Variants in PKP4 observed in about 807,000 individuals in gnomAD.
PKP4 encodes the protein plakophilin-4.
In PKP4, 90 loss-of-function variants were observed where a neutral mutation model predicts 145.1. The observed-to-expected ratio is 0.62, with a 90% CI of 0.52 to 0.74. The LOEUF is 0.74. Ranked by LOEUF, PKP4 falls within the 30% of genes least tolerant of loss-of-function variation. The probability of loss-of-function intolerance (pLI) is 0.00; values close to 1 mark genes in which losing one functional copy is unlikely to be tolerated. For synonymous variants in PKP4, 563 were observed against 577.2 expected (o/e 0.98, Z 0.35); for missense variants, 1,340 against 1,482.7 (o/e 0.90, Z 1.58).
intron 1 of PKP4, among the ~76,000 whole-genome samples, chr2:158,524,319 G>A (rs1342853184): frequency 1.9e-5 from 1 of 53,534 alleles, no homozygotes; most frequent in African/African-American, 7.6e-5. Context: ...GAGAGTGGGG[G>A]CCAATATTCA....
At chr2:158,580,725 A>G (rs905470383) in intron 3 of PKP4, among the ~76,000 whole-genome samples, 3 of 152,126 alleles carry the variant, frequency 2.0e-5, no homozygotes, top group African/African-American at 7.2e-5. Flanking sequence ...TCATTCAGTG[A>G]TCTCTGAGCT....
At chr2:158,548,430 A>G (rs925061747) in intron 2 of PKP4, 3 of 141,714 alleles carry the variant, frequency 2.1e-5, no homozygotes, top group Non-Finnish European at 4.7e-5. Flanking sequence ...CCAAGATGCC[A>G]AAAGGAAAGA....
At chr2:158,574,563 G>T (rs1227058620) in intron 2 of PKP4, among the ~76,000 whole-genome samples, 1 of 152,142 alleles carries the variant, frequency 6.6e-6, no homozygotes, top group African/African-American at 2.4e-5. Context: ...ATACATCTTG[G>T]TGCCATTCAC....
intron 3 of PKP4, among the ~76,000 whole-genome samples, chr2:158,582,283 C>A (rs2048397416): frequency 6.6e-6 from 1 of 152,064 alleles, no homozygotes; most frequent in Admixed American, 6.6e-5. Context: ...TTGAAAGGAA[C>A]CAGTTAATTA....
intron 2 of PKP4, among the ~76,000 whole-genome samples, chr2:158,571,329 A>G (rs1322799118): frequency 6.6e-6 from 1 of 152,232 alleles, no homozygotes; most frequent in African/African-American, 2.4e-5. Context: ...ATGATTTACT[A>G]ATATCAAGAA....
chr2:158,624,776 T>C, intron 6 of PKP4, 102 bp from the exon 7 acceptor site: 2 of 822,360 alleles, frequency 2.4e-6, no homozygotes, highest in Non-Finnish European at 1.8e-6. Flanking sequence ...CCTAAAATAG[T>C]GGATTCACAT....
intron 3 of PKP4, among the ~76,000 whole-genome samples, chr2:158,584,000 A>G (rs1336782908): frequency 6.6e-6 from 1 of 152,180 alleles, no homozygotes; most frequent in Non-Finnish European, 1.5e-5. Context: ...GGTTCCCAAC[A>G]AGCGTTACAT....
intron 2 of PKP4, among the ~76,000 whole-genome samples, chr2:158,555,542 G>T (rs1283277089): frequency 5.3e-5 from 8 of 152,160 alleles, no homozygotes; most frequent in Non-Finnish European, 5.9e-5. Context: ...TCTGTTCTTT[G>T]ATTTAAATAT....
chr2:158,463,031 T>C (rs1017273887), intron 1 of PKP4, among the ~76,000 whole-genome samples: 20 of 152,216 alleles, frequency 1.3e-4, no homozygotes, highest in Non-Finnish European at 2.1e-4. Context: ...TTTGTCAAAA[T>C]GATTATGGAT....
intron 2 of PKP4, among the ~76,000 whole-genome samples, chr2:158,568,859 A>G (rs1056222123): frequency 6.6e-6 from 1 of 151,902 alleles, no homozygotes; most frequent in Non-Finnish European, 1.5e-5. Context: ...TGTAATCCCA[A>G]CTACTCAGGA....
At chr2:158,538,664 C>T (rs748000085) in intron 2 of PKP4, among the ~76,000 whole-genome samples, 17 of 151,788 alleles carry the variant, frequency 1.1e-4, no homozygotes, top group Non-Finnish European at 2.1e-4. Context: ...CTCAGCCTCC[C>T]AAGAGTAGCT....
At chr2:158,500,816 G>A (rs1425426566) in intron 1 of PKP4, among the ~76,000 whole-genome samples, 2 of 152,212 alleles carry the variant, frequency 1.3e-5, no homozygotes, top group Non-Finnish European at 2.9e-5. Flanking sequence ...GAGCTCCTAT[G>A]ACAGTTTTGC....
At chr2:158,636,213 C>G (rs1429682824) in intron 9 of PKP4, among the ~76,000 whole-genome samples, 1 of 151,902 alleles carries the variant, frequency 6.6e-6, no homozygotes, top group Non-Finnish European at 1.5e-5. Context: ...TGCATTTCTG[C>G]TTGTAACAAA....
chr2:158,490,109 A>G (rs1040880621), intron 1 of PKP4, among the ~76,000 whole-genome samples: 2 of 152,184 alleles, frequency 1.3e-5, no homozygotes, highest in African/African-American at 4.8e-5. Context: ...AAATATTTTC[A>G]ATTTAAGGGG....
intron 1 of PKP4, among the ~76,000 whole-genome samples, chr2:158,474,888 G>A (rs112928254): frequency 6.6e-6 from 1 of 152,154 alleles, no homozygotes; most frequent in African/African-American, 2.4e-5. Context: ...GATGCCTTGT[G>A]GGGTTCTGTA....
At chr2:158,567,067 G>A (rs567175639) in intron 2 of PKP4, among the ~76,000 whole-genome samples, 8 of 152,290 alleles carry the variant, frequency 5.3e-5, no homozygotes, top group African/African-American at 1.7e-4. Context: ...TAATAAGGGA[G>A]TAAATCATAA....
At chr2:158,505,269 A>G (rs961028990) in intron 1 of PKP4, among the ~76,000 whole-genome samples, 1 of 152,172 alleles carries the variant, frequency 6.6e-6, no homozygotes, top group Non-Finnish European at 1.5e-5. Context: ...TGACTGGGAG[A>G]CATGAAATCA....
chr2:158,528,569 T>A (rs1261984153), intron 1 of PKP4, among the ~76,000 whole-genome samples: 2 of 128,324 alleles, frequency 1.6e-5, no homozygotes, highest in Non-Finnish European at 3.2e-5. Context: ...CGCACCAGCA[T>A]GGCACATGTA....
rs1217542085 is a variant in PKP4 at position 158,663,503 on chromosome 2, G to GTT, written c.2577+59_2577+60dup. Reference sequence around the variant, plus strand: ...CCATCTTTGCAAACTAACTTGAAATGTTATATATATATGTTCTGCCTCAGT... The same window carrying GTT: ...CCATCTTTGCAAACTAACTTGAAATGTTTTATATATATATGTTCTGCCTCAGT... On this transcript the variant is annotated intron_variant, in intron 15 of 21. Coordinates refer to ENST00000389759, the MANE Select transcript of PKP4 (RefSeq NM_003628.6). 3.6e-5 allele frequency: 50 copies of GTT among 1,405,896 alleles called. No individual in the cohort carries two copies. In the East Asian group the frequency reaches 1.1e-3, roughly 31 times the overall value. 87.1% of individuals were successfully genotyped at this position (1,405,896 alleles called of 1,614,324 possible).
Sources: gnomAD v4.1 joint callset for allele counts (sites outside exome capture counted in the v4.1 genomes callset) on GRCh38, gnomAD v4.1.1 for gene constraint, MANE v1.5 for transcripts, NCBI Gene and HGNC (gene_info 2026-07-23, HGNC 2026-07-21) for gene names.